CCSER1: variants seen among roughly 807,000 people sequenced by gnomAD.
CCSER1 encodes the protein coiled-coil serine rich protein 1.
In CCSER1, 41 loss-of-function variants were observed where a neutral mutation model predicts 82.0. The ratio of observed to expected loss-of-function variants is 0.50; its 90% CI spans 0.39 to 0.65. CCSER1 has a LOEUF of 0.65. Among genes scored for constraint, CCSER1 ranks in the 30% least tolerant of loss-of-function variants. The pLI is 0.00. For synonymous variants in CCSER1, 414 were observed against 383.9 expected (o/e 1.08, Z -0.92); for missense variants, 1,119 against 1,064.2 (o/e 1.05, Z -0.72).
At chr4:91,490,579 G>C (rs1318192035) in intron 10 of CCSER1, among the ~76,000 whole-genome samples, 1 of 151,622 alleles carries the variant, frequency 6.6e-6, no homozygotes, top group Non-Finnish European at 1.5e-5. Flanking sequence ...GTAGAATGAT[G>C]GTTACCAGAG....
In CCSER1 at chr4:90,694,129, T is replaced by C. The variant is rs187488506; in HGVS notation, c.1933-29785T>C. Among the ~76,000 whole-genome samples, 306 of 152,118 alleles carry C rather than the reference T, an allele frequency of 2.0e-3. 3 individuals are homozygous for C. Among genetic ancestry groups the C allele is most frequent in the Non-Finnish European group, 2.7e-3 (182 of 67,906 alleles). The stretch of plus-strand genomic sequence containing the variant: ...AAAGAGAGTAATGGCTATTGCAGTA[T>C]GTAAAGAAGACTAGAGTAGGAGTTG... On this transcript the variant is annotated intron_variant, in intron 6 of 10. Transcript: ENST00000509176.
At position 91,084,607 on chromosome 4, in the gene CCSER1, C is replaced by A. The variant is rs1269909382; in HGVS notation, c.2173-1343C>A. On this transcript the variant is annotated intron_variant, in intron 9 of 10. Transcript: ENST00000509176. ...CTTCAGAATTTACTTTTAGCATAAG[C>A]TTTACATTTAAGAAATGTTCTAATT... Among the ~76,000 whole-genome samples the A allele has an allele frequency of 2.6e-5, 4 of 152,216 alleles. No homozygotes were observed. The East Asian group carries it at 5.8e-4, about 22-fold the overall frequency.
intron 1 of CCSER1, among the ~76,000 whole-genome samples, chr4:90,192,672 TGAA>T (rs1486635833): frequency 6.6e-6 from 1 of 152,034 alleles, no homozygotes; most frequent in African/African-American, 2.4e-5. Flanking sequence ...CCGTTAATAA[TGAA>T]GATTATTTAT....
chr4:90,924,466 A>G (rs1478085857), intron 9 of CCSER1, among the ~76,000 whole-genome samples: 1 of 151,918 alleles, frequency 6.6e-6, no homozygotes, highest in East Asian at 1.9e-4. Context: ...ATTAAAAACA[A>G]CACTAAAAAA....
chr4:90,739,552 G>A (rs7687983), intron 7 of CCSER1, among the ~76,000 whole-genome samples: 85,880 of 151,986 alleles, frequency 0.57, 24,404 homozygotes, highest in East Asian at 0.65. Flanking sequence ...TGCAGTCCTT[G>A]TGGGCTAGAC....
chr4:91,469,513 C>T (rs914104121), intron 10 of CCSER1, among the ~76,000 whole-genome samples: 1 of 152,070 alleles, frequency 6.6e-6, no homozygotes, highest in Admixed American at 6.6e-5. Context: ...AGTAGTTTTC[C>T]CCCTGTTATC....
chr4:91,035,604 A>C (rs1419769007), intron 9 of CCSER1, among the ~76,000 whole-genome samples: 1 of 152,168 alleles, frequency 6.6e-6, no homozygotes, highest in Non-Finnish European at 1.5e-5. Context: ...ATATTTTAAA[A>C]AATTTTTACA....
chr4:91,446,300 CAATT>C (rs1334905499), intron 10 of CCSER1, among the ~76,000 whole-genome samples: 1 of 151,950 alleles, frequency 6.6e-6, no homozygotes, highest in East Asian at 1.9e-4. Flanking sequence ...TATAAGAAAA[CAATT>C]ATTTATTCAT....
At chr4:91,302,731 C>T (rs1744763554) in intron 10 of CCSER1, among the ~76,000 whole-genome samples, 1 of 151,918 alleles carries the variant, frequency 6.6e-6, no homozygotes, top group Admixed American at 6.6e-5. Context: ...TCCTTCCACA[C>T]TAGACTGATT....
intron 9 of CCSER1, among the ~76,000 whole-genome samples, chr4:90,959,043 C>T (rs890612929): frequency 6.6e-6 from 1 of 152,024 alleles, no homozygotes; most frequent in Admixed American, 6.6e-5. Context: ...TTTCAAATTG[C>T]ATTTGAGGAA....
chr4:90,502,352 A>T (rs1020500404), intron 5 of CCSER1, among the ~76,000 whole-genome samples: 4 of 152,126 alleles, frequency 2.6e-5, no homozygotes, highest in Admixed American at 2.0e-4. Flanking sequence ...ATCTCTTGAG[A>T]ATTCACTAAC....
At chr4:91,508,327 T>C (rs1285156865) in intron 10 of CCSER1, among the ~76,000 whole-genome samples, 2 of 150,816 alleles carry the variant, frequency 1.3e-5, no homozygotes, top group Non-Finnish European at 3.0e-5. Context: ...GGTGGCGCAT[T>C]TATCCAATAT....
At chr4:90,491,066 T>G (rs1767933485) in intron 5 of CCSER1, among the ~76,000 whole-genome samples, 2 of 152,156 alleles carry the variant, frequency 1.3e-5, no homozygotes, top group South Asian at 4.1e-4. Context: ...AGAAAGTCAT[T>G]GGTAGCTTGA....
chr4:90,197,901 T>C (rs150541534), intron 1 of CCSER1, among the ~76,000 whole-genome samples: 256 of 152,188 alleles, frequency 1.7e-3, no homozygotes, highest in African/African-American at 5.9e-3. Flanking sequence ...TCAGTAATTA[T>C]ACATTTGAAA....
intron 3 of CCSER1, among the ~76,000 whole-genome samples, chr4:90,381,381 G>T (rs1344045568): frequency 6.6e-6 from 1 of 152,040 alleles, no homozygotes; most frequent in Non-Finnish European, 1.5e-5. Context: ...TGGAACTAAT[G>T]GTATATTTTA....
chr4:90,347,353 A>ATG (rs1159794575), intron 3 of CCSER1, among the ~76,000 whole-genome samples: 1 of 103,878 alleles, frequency 9.6e-6, no homozygotes, highest in Non-Finnish European at 2.1e-5. Flanking sequence ...ATCTATCTAT[A>ATG]TACTTTATTG....
chr4:90,866,780 G>T (rs141674211), intron 8 of CCSER1, among the ~76,000 whole-genome samples: 2,749 of 152,000 alleles, frequency 0.018, 88 homozygotes, highest in African/African-American at 0.061. Context: ...TTCATGTATC[G>T]GGGGTGGAGC....
At chr4:90,613,615 C>T (rs1436566864) in intron 5 of CCSER1, among the ~76,000 whole-genome samples, 3 of 152,190 alleles carry the variant, frequency 2.0e-5, no homozygotes, top group South Asian at 2.1e-4. Flanking sequence ...TTTACTTTGC[C>T]TAAATTCATC....
At chr4:91,436,844 C>A (rs563159736) in intron 10 of CCSER1, among the ~76,000 whole-genome samples, 1 of 152,246 alleles carries the variant, frequency 6.6e-6, no homozygotes, top group African/African-American at 2.4e-5. Flanking sequence ...AGCACAATGT[C>A]TCAAACATCC....
Sources: gnomAD v4.1 joint callset for allele counts (sites outside exome capture counted in the v4.1 genomes callset) on GRCh38, gnomAD v4.1.1 for gene constraint, MANE v1.5 for transcripts, NCBI Gene and HGNC (gene_info 2026-07-23, HGNC 2026-07-21) for gene names.